The following SPATA3 variants were observed in gnomAD, a reference collection of about 807,000 sequenced individuals.
The protein encoded by SPATA3 is spermatogenesis-associated protein 3.
SPATA3 carries 6 observed loss-of-function variants against 5.7 expected under a neutral mutation model. The ratio of observed to expected loss-of-function variants is 1.06; its 90% CI spans 0.58 to 2.09. The LOEUF is 2.09. Ranked by LOEUF, SPATA3 falls within the 30% of genes most tolerant of loss-of-function variation. The pLI is 0.00. For synonymous variants in SPATA3, 44 were observed against 48.4 expected (o/e 0.91, Z 0.37); for missense variants, 155 against 130.4 (o/e 1.19, Z -0.92).
downstream of SPATA3, among the ~76,000 whole-genome samples, chr2:231,003,401 CTG>C (rs1692427141): frequency 2.9e-5 from 4 of 139,202 alleles, no homozygotes; most frequent in South Asian, 1.0e-3. Context: ...GAGCCTGAGA[CTG>C]GGGTTGAATG....
chr2:231,018,167 C>T (rs529132067), intron 6 of SPATA3, among the ~76,000 whole-genome samples: 9 of 152,140 alleles, frequency 5.9e-5, no homozygotes, highest in Middle Eastern at 3.4e-3. Context: ...TCAGGTGATC[C>T]GCCCGCCTCA....
At chr2:230,999,127 C>T (rs1005430814) in intron 1 of SPATA3, among the ~76,000 whole-genome samples, 1 of 152,204 alleles carries the variant, frequency 6.6e-6, no homozygotes, top group African/African-American at 2.4e-5. Context: ...CTTATAGACA[C>T]TTGGCTAAGT....
intron 6 of SPATA3, among the ~76,000 whole-genome samples, chr2:231,018,571 A>G (rs1468699576): frequency 6.6e-6 from 1 of 152,094 alleles, no homozygotes; most frequent in African/African-American, 2.4e-5. Context: ...TTGCCCATTT[A>G]TTTCAGCAGA....
At chr2:230,996,141 C>A in intron 1 of SPATA3, 4 of 1,376,328 alleles carry the variant, frequency 2.9e-6, no homozygotes, top group Middle Eastern at 4.1e-4. Context: ...CCAAGCCAGG[C>A]TCCTAGGGCA....
downstream of SPATA3, among the ~76,000 whole-genome samples, chr2:231,004,630 C>T (rs761598382): frequency 2.0e-5 from 3 of 152,074 alleles, no homozygotes; most frequent in Non-Finnish European, 2.9e-5. Flanking sequence ...CAAATGCACC[C>T]GAGTTAAAGC....
At chr2:231,000,114 T>G (rs1692288535) in intron 1 of SPATA3, among the ~76,000 whole-genome samples, 1 of 152,176 alleles carries the variant, frequency 6.6e-6, no homozygotes, top group South Asian at 2.1e-4. Flanking sequence ...AGCACCAGTA[T>G]AAAACAGCCA....
At chr2:231,005,163 CCATCATCACCAT>C (rs1326063959), downstream of SPATA3, among the ~76,000 whole-genome samples, 103 of 50,404 alleles carry the variant, frequency 2.0e-3, no homozygotes, top group African/African-American at 5.7e-3. Context: ...ATCACCATCA[CCATCATCACCAT>C]CATCATCACC....
chr2:230,999,684 A>G (rs1452281902), intron 1 of SPATA3: 1 of 169,088 alleles, frequency 5.9e-6, no homozygotes, highest in Non-Finnish European at 1.5e-5. Context: ...AGAGGAGGAC[A>G]GAAACAGAAA....
intron 6 of SPATA3, chr2:231,019,637 A>G (rs1344145902): frequency 6.6e-6 from 1 of 151,122 alleles, no homozygotes. Flanking sequence ...TCTCACTTTT[A>G]TAAGTAGTAT....
At chr2:231,011,398 C>T (rs1464829522), downstream of SPATA3, among the ~76,000 whole-genome samples, 3 of 152,146 alleles carry the variant, frequency 2.0e-5, no homozygotes, top group African/African-American at 4.8e-5. Context: ...CCTCCGCACC[C>T]GGTCCAGTTG....
chr2:231,002,516 G>T (rs1330441141), intron 2 of SPATA3, among the ~76,000 whole-genome samples, 168 bp from the exon 3 acceptor site: 2 of 152,144 alleles, frequency 1.3e-5, no homozygotes, highest in African/African-American at 2.4e-5. Context: ...GTAGGGACTT[G>T]TTGGAAGGAT....
downstream of SPATA3, among the ~76,000 whole-genome samples, chr2:231,008,114 T>G (rs1339965050): frequency 6.6e-6 from 1 of 152,220 alleles, no homozygotes; most frequent in East Asian, 1.9e-4. Context: ...CTGATCCTGC[T>G]GGGGCGTCGT....
chr2:231,008,959 C>T (rs1692712211), downstream of SPATA3, among the ~76,000 whole-genome samples: 1 of 152,014 alleles, frequency 6.6e-6, no homozygotes, highest in African/African-American at 2.4e-5. Context: ...CCTGTCTCCC[C>T]ACAGCAAACG....
intron 1 of SPATA3, among the ~76,000 whole-genome samples, chr2:230,997,476 C>T (rs1365738700): frequency 6.6e-6 from 1 of 152,168 alleles, no homozygotes; most frequent in Non-Finnish European, 1.5e-5. Context: ...GATAGCCAGA[C>T]AAAATACAAG....
intron 1 of SPATA3, among the ~76,000 whole-genome samples, chr2:230,998,853 C>T (rs1026844986): frequency 2.6e-5 from 4 of 152,168 alleles, no homozygotes; most frequent in Non-Finnish European, 4.4e-5. Context: ...CCTTATGACC[C>T]AGCAATTCCA....
downstream of SPATA3, among the ~76,000 whole-genome samples, chr2:231,004,959 T>TCATCCTCATCACCATCAC (rs1559197073): frequency 1.6e-4 from 21 of 134,812 alleles, no homozygotes; most frequent in African/African-American, 5.5e-4. Context: ...ATTATCACCA[T>TCATCCTCATCACCATCAC]CATCCTCATC....
intron 6 of SPATA3, among the ~76,000 whole-genome samples, chr2:231,018,969 CTTTTT>C (rs10652495): frequency 7.9e-6 from 1 of 126,320 alleles, no homozygotes; most frequent in Admixed American, 8.4e-5. Flanking sequence ...TTTTCTTTTT[CTTTTT>C]TTTTTTTTTT....
chr2:230,998,541 G>C (rs1692220111), intron 1 of SPATA3, among the ~76,000 whole-genome samples: 1 of 152,214 alleles, frequency 6.6e-6, no homozygotes, highest in Non-Finnish European at 1.5e-5. Flanking sequence ...GGTTACAGCA[G>C]ACACCCTATA....
chr2:230,996,873 G>T (rs1692143388), intron 1 of SPATA3, among the ~76,000 whole-genome samples: 1 of 152,228 alleles, frequency 6.6e-6, no homozygotes, highest in Admixed American at 6.5e-5. Context: ...ATATGGTTTA[G>T]AATAAGGGAG....
Sources: allele counts gnomAD v4.1 joint callset (sites outside exome capture counted in the v4.1 genomes callset), GRCh38; gene constraint gnomAD v4.1.1; transcripts MANE v1.5; gene names NCBI Gene and HGNC (gene_info 2026-07-23, HGNC 2026-07-21).